The following NEDD4 variants were observed in gnomAD, a reference collection of about 807,000 sequenced individuals.
NEDD4 encodes the protein E3 ubiquitin-protein ligase NEDD4.
A neutral mutation model predicts 144.9 loss-of-function variants in NEDD4; 99 were observed. That is an observed-to-expected ratio of 0.68 (90% confidence interval 0.58 to 0.81). The LOEUF is 0.81. NEDD4 is among the 30% of genes least tolerant of loss of function. The pLI is 0.00. For missense variants in NEDD4, 985 were observed against 1,065.9 expected (o/e 0.92, Z 1.06); for synonymous variants, 318 against 350.6 (o/e 0.91, Z 1.04).
intron 1 of NEDD4, among the ~76,000 whole-genome samples, chr15:55,972,336 A>G (rs2037625850): frequency 1.3e-5 from 2 of 152,214 alleles, no homozygotes. Flanking sequence ...GTCATAGACA[A>G]TATAATAAGA....
chr15:55,838,544 G>C lies in NEDD4; in HGVS notation c.2092C>G (p.Leu698Val). 1 of 1,612,744 alleles carries C rather than the reference G, an allele frequency of 6.2e-7. No individual in the cohort carries two copies. The highest frequency in any genetic ancestry group is 8.5e-7 in the Non-Finnish European group (1 of 1,179,370). Reference protein sequence around the residue: ...ILENDPTELDLRFIIDEELFG... With the variant: ...ILENDPTELDVRFIIDEELFG... ...AGTTCTTCATCTATGATAAACCTGA[G>C]GTCCAATTCTGTTGGGTCATTTTCA... Residue 698 changes from leucine to valine, a missense_variant, in exon 22 of 29, where the codon CTC becomes GTC. Physicochemically the swap from Leu to Val is conservative, Grantham distance 32. Transcript: ENST00000435532.
At chr15:55,964,139 A>G (rs1300952444) in intron 2 of NEDD4, among the ~76,000 whole-genome samples, 2 of 152,122 alleles carry the variant, frequency 1.3e-5, no homozygotes, top group Non-Finnish European at 2.9e-5. Flanking sequence ...TATAAATTTA[A>G]TCAAATTTGG....
chr15:55,904,317 T>A (rs1306868018), intron 5 of NEDD4, among the ~76,000 whole-genome samples: 1 of 152,080 alleles, frequency 6.6e-6, no homozygotes, highest in East Asian at 1.9e-4. Context: ...TATTTCATTT[T>A]TTTGAGACAG....
At chr15:55,832,929 G>T in intron 27 of NEDD4, 79 bp downstream of exon 27, 1 of 940,210 alleles carries the variant, frequency 1.1e-6, no homozygotes, top group Non-Finnish European at 1.7e-6. Context: ...GTAAATGATG[G>T]AAGCTTGCGG....
intron 1 of NEDD4, among the ~76,000 whole-genome samples, chr15:55,984,572 A>G (rs562640379): frequency 5.8e-4 from 89 of 152,320 alleles, no homozygotes; most frequent in African/African-American, 2.1e-3. Flanking sequence ...TTGTTTGTTC[A>G]TATTACTCTC....
chr15:55,858,632 C>T (rs1354564548), intron 11 of NEDD4, among the ~76,000 whole-genome samples: 1 of 152,096 alleles, frequency 6.6e-6, no homozygotes, highest in East Asian at 1.9e-4. Context: ...CTTTGACTGA[C>T]CTGTCCCACT....
At chr15:55,877,537 A>T (rs2035037166) in intron 5 of NEDD4, among the ~76,000 whole-genome samples, 1 of 152,104 alleles carries the variant, frequency 6.6e-6, no homozygotes, top group African/African-American at 2.4e-5. Context: ...CCCCTTTGTA[A>T]TTAACAGTAT....
intron 5 of NEDD4, among the ~76,000 whole-genome samples, chr15:55,895,596 TG>T (rs1421585334): frequency 6.6e-6 from 1 of 152,246 alleles, no homozygotes; most frequent in East Asian, 1.9e-4. Context: ...TAAAATCACC[TG>T]ATAGGCTATT....
At chr15:55,947,185 T>A (rs1369298668) in intron 4 of NEDD4, among the ~76,000 whole-genome samples, 1 of 151,718 alleles carries the variant, frequency 6.6e-6, no homozygotes, top group Non-Finnish European at 1.5e-5. Context: ...GAGAGAGACA[T>A]AAAAAACCCT....
chr15:55,961,027 G>C (rs948999145), intron 2 of NEDD4, among the ~76,000 whole-genome samples: 3 of 152,138 alleles, frequency 2.0e-5, no homozygotes, highest in African/African-American at 7.2e-5. Flanking sequence ...TGATACACTC[G>C]ACCCTAACTT....
intron 5 of NEDD4, among the ~76,000 whole-genome samples, chr15:55,894,343 C>T (rs1201249690): frequency 6.6e-6 from 1 of 152,154 alleles, no homozygotes; most frequent in South Asian, 2.1e-4. Flanking sequence ...CTAGAGATGA[C>T]AAAATTTATG....
chr15:55,830,151 G>C (rs1381328194), intron 28 of NEDD4, 152 bp from the exon 29 acceptor site: 2 of 630,558 alleles, frequency 3.2e-6, no homozygotes, highest in African/African-American at 1.8e-5. Context: ...CGTAGGACTG[G>C]GTTCTGGGCA....
At position 55,907,052 on chromosome 15, in the gene NEDD4, G is replaced by A. The variant is rs565307818; in HGVS notation, c.291+17594C>T. ...AGAGGTTGCAGTGAGCCAAGATCAC[G>A]GCACTGCACTCCAGCCTGGGCGACA... On this transcript the variant is annotated intron_variant, in intron 5 of 28. Coordinates refer to ENST00000435532, the MANE Select transcript of NEDD4 (RefSeq NM_006154.4). Among the ~76,000 whole-genome samples the A allele has an allele frequency of 5.4e-4, 82 of 151,820 alleles. 1 individual carries two copies. The highest frequency in any genetic ancestry group is 2.5e-3 in the South Asian group (12 of 4,814).
At chr15:55,888,082 G>A (rs909460531) in intron 5 of NEDD4, among the ~76,000 whole-genome samples, 56 of 152,146 alleles carry the variant, frequency 3.7e-4, no homozygotes, top group Admixed American at 3.7e-3. Flanking sequence ...GAACATGACA[G>A]GAATGCCACT....
intron 4 of NEDD4, among the ~76,000 whole-genome samples, chr15:55,940,539 TCTCTCTGC>T (rs779923961): frequency 0.078 from 11,513 of 146,886 alleles, 582 homozygotes; most frequent in Middle Eastern, 0.17. Flanking sequence ...TCTCTCTCTC[TCTCTCTGC>T]CTCTCTGCCT....
chr15:55,982,446 T>C (rs1475079607), intron 1 of NEDD4, among the ~76,000 whole-genome samples: 3 of 152,008 alleles, frequency 2.0e-5, no homozygotes, highest in East Asian at 3.9e-4. Context: ...GAGCTATTGA[T>C]ACAAACAACC....
At chr15:55,856,744 C>T (rs557400029) in intron 11 of NEDD4, among the ~76,000 whole-genome samples, 53 of 152,298 alleles carry the variant, frequency 3.5e-4, no homozygotes, top group Middle Eastern at 3.4e-3. Flanking sequence ...CTTCCCACTT[C>T]GCAATCTACC....
chr15:55,847,022 A>C lies in NEDD4; in HGVS notation c.1555T>G (p.Ser519Ala). The change falls in exon 18 of 29, where the codon TCC becomes GCC. Residue 519 changes from serine to alanine, a missense_variant. Transcript: ENST00000435532. ...TCATACTTTCTTTTGTAATCCCTGGAGTAGGGCACTGCCTTTAGTTGGAAA... is the reference window on the plus strand; with the variant it reads ...TCATACTTTCTTTTGTAATCCCTGGCGTAGGGCACTGCCTTTAGTTGGAAA... The part of the protein sequence containing the change: ...VAITGPAVPY[S>A]RDYKRKYEFF... 2 of 1,607,012 alleles carry C rather than the reference A, an allele frequency of 1.2e-6. No homozygotes were observed. The highest frequency in any genetic ancestry group is 1.7e-6 in the Non-Finnish European group (2 of 1,175,894).
chr15:55,884,867 A>T (rs1178441584), intron 5 of NEDD4, among the ~76,000 whole-genome samples: 1 of 152,198 alleles, frequency 6.6e-6, no homozygotes, highest in African/African-American at 2.4e-5. Flanking sequence ...AGAGACAGAG[A>T]TTGAAGTAGA....
Sources: gnomAD v4.1 joint callset for allele counts (sites outside exome capture counted in the v4.1 genomes callset) on GRCh38, gnomAD v4.1.1 for gene constraint, MANE v1.5 for transcripts, NCBI Gene and HGNC (gene_info 2026-07-23, HGNC 2026-07-21) for gene names.